The following KLHL2 variants were observed in gnomAD, a reference collection of about 807,000 sequenced individuals.
The protein encoded by KLHL2 is kelch-like protein 2.
Under a neutral mutation model 75.8 loss-of-function variants are expected in KLHL2, and 15 were observed. That is an observed-to-expected ratio of 0.20 (90% CI 0.13 to 0.30). KLHL2 has a LOEUF of 0.30. KLHL2 is among the 10% of genes least tolerant of loss of function. The pLI, the probability that KLHL2 is intolerant of heterozygous loss-of-function variation, is 1.00. For missense variants in KLHL2, 381 were observed against 741.0 expected (o/e 0.51, Z 5.64); for synonymous variants, 214 against 251.9 (o/e 0.85, Z 1.42).
Position 165,322,839 on chromosome 4 carries a change from T to A in KLHL2, c.*779T>A, listed in dbSNP as rs1333048597. The A allele has an allele frequency of 6.5e-6, 1 of 152,676 alleles. No homozygotes were observed. The highest frequency in any genetic ancestry group is 1.5e-5 in the Non-Finnish European group (1 of 68,044). 9.5% of individuals were successfully genotyped at this position (152,676 alleles called of 1,614,324 possible). A position where few individuals can be genotyped will look rare whatever the true frequency, so the allele number is the denominator to read the frequency against. ...AATTATGCTTATTTATTATTTTCTTTAGTTTAATCTTGGTCATGTTTTGGT... is the reference window on the plus strand; with the variant it reads ...AATTATGCTTATTTATTATTTTCTTAAGTTTAATCTTGGTCATGTTTTGGT... On this transcript the variant is annotated 3_prime_UTR_variant, in exon 15 of 15. Coordinates refer to ENST00000226725, the MANE Select transcript of KLHL2 (RefSeq NM_007246.4).
chr4:165,223,769 T>C (rs1400385499), intron 2 of KLHL2, among the ~76,000 whole-genome samples: 1 of 152,106 alleles, frequency 6.6e-6, no homozygotes, highest in Non-Finnish European at 1.5e-5. Context: ...AACTCTAAAT[T>C]TCCCAAGTGT....
chr4:165,321,357 C>T (rs1746963596), intron 14 of KLHL2: 1 of 454,598 alleles, frequency 2.2e-6, no homozygotes, highest in African/African-American at 2.0e-5. Flanking sequence ...GATGATGATC[C>T]ACTTCCCCTT....
chr4:165,226,528 C>G (rs1738449734), intron 2 of KLHL2, among the ~76,000 whole-genome samples: 2 of 152,038 alleles, frequency 1.3e-5, no homozygotes, highest in African/African-American at 4.8e-5. Flanking sequence ...CCACTTTATC[C>G]TATAATTTTT....
intron 4 of KLHL2, among the ~76,000 whole-genome samples, chr4:165,261,346 A>ATT (rs200714011): frequency 6.0e-4 from 91 of 151,578 alleles, no homozygotes; most frequent in Admixed American, 9.9e-4. Flanking sequence ...TTCTATTTTT[A>ATT]TTTTTATTTT....
At chr4:165,265,894 A>G (rs1742202825) in intron 5 of KLHL2, among the ~76,000 whole-genome samples, 1 of 152,184 alleles carries the variant, frequency 6.6e-6, no homozygotes, top group African/African-American at 2.4e-5. Flanking sequence ...AGGAATTGCC[A>G]CACTGTCTTC....
At chr4:165,281,307 C>G (rs1258177420) in intron 5 of KLHL2, among the ~76,000 whole-genome samples, 3 of 138,398 alleles carry the variant, frequency 2.2e-5, no homozygotes, top group Non-Finnish European at 4.5e-5. Flanking sequence ...CTCTCTCTCT[C>G]TCTTTTTTTT....
At chr4:165,298,602 C>CT (rs1011802032) in intron 7 of KLHL2, among the ~76,000 whole-genome samples, 40 of 152,150 alleles carry the variant, frequency 2.6e-4, no homozygotes, top group African/African-American at 9.6e-4. Context: ...AATCTCATTA[C>CT]TTTTTGTGAT....
intron 5 of KLHL2, among the ~76,000 whole-genome samples, chr4:165,264,660 A>G (rs1378141686): frequency 7.3e-5 from 10 of 137,590 alleles, no homozygotes; most frequent in African/African-American, 2.6e-4. Flanking sequence ...GTATATACAT[A>G]TATGTCTACA....
intron 5 of KLHL2, among the ~76,000 whole-genome samples, chr4:165,268,025 CT>C (rs1432377229): frequency 6.6e-6 from 1 of 152,130 alleles, no homozygotes; most frequent in African/African-American, 2.4e-5. Context: ...CAGCTTCTTC[CT>C]GGTTTAGTCT....
intron 3 of KLHL2, among the ~76,000 whole-genome samples, chr4:165,234,328 G>A (rs1739150961): frequency 6.6e-6 from 1 of 152,156 alleles, no homozygotes; most frequent in Admixed American, 6.5e-5. Flanking sequence ...AATGGAATAA[G>A]ATTTGTTTAT....
intron 5 of KLHL2, among the ~76,000 whole-genome samples, chr4:165,274,424 A>G (rs1162107731): frequency 2.0e-5 from 3 of 152,146 alleles, no homozygotes; most frequent in African/African-American, 7.2e-5. Flanking sequence ...CCTGGCTAAC[A>G]TGGTGAAACC....
chr4:165,226,819 G>A (rs747622434), intron 2 of KLHL2, among the ~76,000 whole-genome samples: 1 of 152,058 alleles, frequency 6.6e-6, no homozygotes, highest in African/African-American at 2.4e-5. Context: ...TAGGTTTTGT[G>A]TAGTGGTCAA....
chr4:165,214,122 T>C (rs1227692032), intron 1 of KLHL2, among the ~76,000 whole-genome samples: 1 of 152,206 alleles, frequency 6.6e-6, no homozygotes, highest in Non-Finnish European at 1.5e-5. Context: ...ATTCTGGTTC[T>C]CATCTAGTAC....
At chr4:165,306,975 CGT>C (rs1173709908) in intron 9 of KLHL2, among the ~76,000 whole-genome samples, 1 of 152,092 alleles carries the variant, frequency 6.6e-6, no homozygotes, top group African/African-American at 2.4e-5. Context: ...TCTATATGTG[CGT>C]GTGAGTGTGT....
At chr4:165,267,215 G>A (rs1274701189) in intron 5 of KLHL2, among the ~76,000 whole-genome samples, 1 of 152,206 alleles carries the variant, frequency 6.6e-6, no homozygotes, top group African/African-American at 2.4e-5. Flanking sequence ...ATTTTGGGCT[G>A]AGACAATGGG....
At chr4:165,261,328 A>G (rs1035977714) in intron 4 of KLHL2, among the ~76,000 whole-genome samples, 1 of 150,206 alleles carries the variant, frequency 6.7e-6, no homozygotes, top group African/African-American at 2.5e-5. Flanking sequence ...CGTTATTTAT[A>G]CTTTATTTTC....
At chr4:165,272,682 A>G (rs1330378557) in intron 5 of KLHL2, among the ~76,000 whole-genome samples, 1 of 151,906 alleles carries the variant, frequency 6.6e-6, no homozygotes, top group Non-Finnish European at 1.5e-5. Flanking sequence ...TAGAACTCTT[A>G]GTTTTGCTTA....
chr4:165,279,084 C>G (rs1560798438), intron 5 of KLHL2: 1 of 1,553,784 alleles, frequency 6.4e-7, no homozygotes, highest in Non-Finnish European at 8.9e-7. Context: ...TTGACGCCTC[C>G]TGTCAAACTC....
rs182302421 is a variant in KLHL2, at chr4:165,280,866, T to C, written c.545-13493T>C. 2.7e-4 allele frequency among the ~76,000 whole-genome samples: 41 copies of C among 152,330 alleles called. No homozygotes were observed. In the East Asian group the frequency reaches 7.3e-3, roughly 27 times the overall value. On this transcript the variant is annotated intron_variant, in intron 5 of 14. Coordinates refer to ENST00000226725, the MANE Select transcript of KLHL2 (RefSeq NM_007246.4). ...ATAGAACTTCTGGAGACATACATGG[T>C]TTTTTTCTCCTAAAGATTAATAGTG... is the stretch of plus-strand genomic sequence containing the variant.
Sources: gnomAD v4.1 joint callset for allele counts (sites outside exome capture counted in the v4.1 genomes callset) on GRCh38, gnomAD v4.1.1 for gene constraint, MANE v1.5 for transcripts, NCBI Gene and HGNC (gene_info 2026-07-23, HGNC 2026-07-21) for gene names.